AJAP1: variants seen among roughly 807,000 people sequenced by gnomAD.
AJAP1 encodes the protein adherens junction-associated protein 1.
Under a neutral mutation model 35.0 loss-of-function variants are expected in AJAP1, and 5 were observed. The observed-to-expected ratio is 0.14, with a 90% CI of 0.07 to 0.30. The LOEUF is 0.30. AJAP1 is among the 10% of genes least tolerant of loss of function. The probability of loss-of-function intolerance (pLI) is 1.00; values close to 1 mark genes in which losing one functional copy is unlikely to be tolerated. For synonymous variants in AJAP1, 284 were observed against 249.3 expected (o/e 1.14, Z -1.31); for missense variants, 586 against 571.0 (o/e 1.03, Z -0.27).
At chr1:4,742,388 A>G (rs1474363813) in intron 2 of AJAP1, among the ~76,000 whole-genome samples, 1 of 152,220 alleles carries the variant, frequency 6.6e-6, no homozygotes, top group Non-Finnish European at 1.5e-5. Flanking sequence ...GGGACATTCT[A>G]CAAAATGACT....
At chr1:4,699,446 T>C (rs558045632) in intron 1 of AJAP1, among the ~76,000 whole-genome samples, 3 of 152,282 alleles carry the variant, frequency 2.0e-5, no homozygotes, top group Non-Finnish European at 4.4e-5. Context: ...AAAATAGATA[T>C]TTCCTATGAA....
chr1:4,699,474 GA>G (rs979060046), intron 1 of AJAP1, among the ~76,000 whole-genome samples: 1 of 152,226 alleles, frequency 6.6e-6, no homozygotes, highest in African/African-American at 2.4e-5. Context: ...GGGCTGCAGT[GA>G]GTGTTTTGGA....
chr1:4,718,206 C>T (rs756174489), intron 2 of AJAP1, among the ~76,000 whole-genome samples: 18 of 152,188 alleles, frequency 1.2e-4, no homozygotes, highest in Non-Finnish European at 1.6e-4. Flanking sequence ...CCTGTTAGAG[C>T]ACTCCCTCTG....
At chr1:4,740,601 T>C (rs990117637) in intron 2 of AJAP1, among the ~76,000 whole-genome samples, 16 of 151,624 alleles carry the variant, frequency 1.1e-4, no homozygotes, top group East Asian at 5.9e-4. Flanking sequence ...CTGGCTAACA[T>C]GGTGAAACCC....
chr1:4,676,240 A>G (rs1432613771), intron 1 of AJAP1, among the ~76,000 whole-genome samples: 1 of 152,172 alleles, frequency 6.6e-6, no homozygotes, highest in Non-Finnish European at 1.5e-5. Flanking sequence ...CTCATCTTCC[A>G]TGTACTTGCG....
chr1:4,701,558 GC>G (rs951094323), intron 1 of AJAP1, among the ~76,000 whole-genome samples: 2 of 152,170 alleles, frequency 1.3e-5, no homozygotes, highest in Non-Finnish European at 2.9e-5. Context: ...CCCAGCCTCG[GC>G]CCTCTGGTCT....
intron 4 of AJAP1, 58 bp downstream of exon 4, chr1:4,772,583 CG>C: frequency 1.9e-6 from 3 of 1,591,468 alleles, no homozygotes; most frequent in South Asian, 1.1e-5. Context: ...TCCTGACCCC[CG>C]GGGGCCGGTG....
rs1209946467 is a variant in AJAP1 at position 4,787,416 on chromosome 1, A to G, written c.*4931A>G. 2 of 298,310 alleles carry G rather than the reference A, an allele frequency of 6.7e-6. No individual in the cohort carries two copies. The highest frequency in any genetic ancestry group is 2.6e-5 in the South Asian group (1 of 38,000). 18.5% of individuals were successfully genotyped at this position (298,310 alleles called of 1,614,324 possible). On this transcript the variant is annotated 3_prime_UTR_variant, in exon 6 of 6. Transcript: ENST00000378191. ...TCTACGTCTCCTCCTCCTGCGACCC[A>G]TCACCTACTGGAAAATTACCACTTG... is the stretch of plus-strand genomic sequence containing the variant.
intron 2 of AJAP1, among the ~76,000 whole-genome samples, chr1:4,713,448 C>T (rs997363860): frequency 1.3e-5 from 2 of 152,222 alleles, no homozygotes; most frequent in Non-Finnish European, 2.9e-5. Flanking sequence ...ATATCTCCTT[C>T]TGTGCAGTTT....
At chr1:4,701,996 C>T (rs1354963252) in intron 1 of AJAP1, among the ~76,000 whole-genome samples, 3 of 152,196 alleles carry the variant, frequency 2.0e-5, no homozygotes, top group South Asian at 2.1e-4. Flanking sequence ...AATTACAGGT[C>T]ACAGGAGTTA....
intron 3 of AJAP1, 41 bp from the exon 4 acceptor site, chr1:4,772,239 G>C: frequency 6.2e-7 from 1 of 1,609,596 alleles, no homozygotes; most frequent in South Asian, 1.1e-5. Context: ...TGGGTTTCCG[G>C]CCTCTGCCCG....
chr1:4,719,937 G>A (rs532993319), intron 2 of AJAP1, among the ~76,000 whole-genome samples: 1 of 152,262 alleles, frequency 6.6e-6, no homozygotes, highest in South Asian at 2.1e-4. Flanking sequence ...CCATGGCTGT[G>A]GGCTCAATTT....
At chr1:4,658,574 C>T (rs1638933787) in intron 1 of AJAP1, among the ~76,000 whole-genome samples, 1 of 152,250 alleles carries the variant, frequency 6.6e-6, no homozygotes, top group African/African-American at 2.4e-5. Flanking sequence ...GTGTCAGCGG[C>T]TGTGCTACTC....
rs1212801824 is a variant in AJAP1 at position 4,786,135 on chromosome 1, A to G, written c.*3650A>G. The G allele has an allele frequency of 2.0e-5, 3 of 152,154 alleles. No homozygotes were observed. Among genetic ancestry groups the G allele is most frequent in the Admixed American group, 6.5e-5 (1 of 15,268 alleles). 9.4% of individuals were successfully genotyped at this position (152,154 alleles called of 1,614,324 possible). On this transcript the variant is annotated 3_prime_UTR_variant, in exon 6 of 6. Transcript: ENST00000378191. Reference sequence around the variant, plus strand: ...CTCAGATTCCAGCCATTACCGAGACAAATCCAAGCCTTCTCACGCAACGTG... The same window carrying G: ...CTCAGATTCCAGCCATTACCGAGACGAATCCAAGCCTTCTCACGCAACGTG...
At chr1:4,727,097 C>T (rs1387056536) in intron 2 of AJAP1, among the ~76,000 whole-genome samples, 2 of 152,238 alleles carry the variant, frequency 1.3e-5, no homozygotes, top group Non-Finnish European at 2.9e-5. Flanking sequence ...ACATCTGTTC[C>T]GCCGTGAGTC....
At chr1:4,721,082 C>T (rs1013903145) in intron 2 of AJAP1, among the ~76,000 whole-genome samples, 1 of 152,224 alleles carries the variant, frequency 6.6e-6, no homozygotes, top group Non-Finnish European at 1.5e-5. Flanking sequence ...GCACACGCTC[C>T]TCCCTTTACG....
At chr1:4,781,101 G>A (rs1043081073) in intron 5 of AJAP1, among the ~76,000 whole-genome samples, 2 of 152,180 alleles carry the variant, frequency 1.3e-5, no homozygotes, top group Non-Finnish European at 2.9e-5. Flanking sequence ...CAGAGACGCA[G>A]TGCTGATGAT....
Position 4,782,593 on chromosome 1 carries a change from A to G in AJAP1, c.*108A>G. On this transcript the variant is annotated 3_prime_UTR_variant, in exon 6 of 6. Coordinates refer to ENST00000378191, the MANE Select transcript of AJAP1 (RefSeq NM_018836.4). The surrounding 1 kb of genome is among the most constrained non-coding windows in gnomAD (Gnocchi z 5.3). ...AACAAAACAAACAAAACAAAACAAA[A>G]AAGACAAAACCTAAAACTGAGCTAT... 2.5e-6 allele frequency: 1 copy of G among 396,802 alleles called. No individual in the cohort carries two copies. The highest frequency in any genetic ancestry group is 3.6e-5 in the East Asian group (1 of 28,042). 24.6% of individuals were successfully genotyped at this position (396,802 alleles called of 1,614,324 possible). A position where few individuals can be genotyped will look rare whatever the true frequency, so the allele number is the denominator to read the frequency against.
At chr1:4,740,588 A>G (rs1246216962) in intron 2 of AJAP1, among the ~76,000 whole-genome samples, 2 of 151,868 alleles carry the variant, frequency 1.3e-5, no homozygotes, top group African/African-American at 4.8e-5. Flanking sequence ...GATCGAGACC[A>G]TCCTGGCTAA....
Sources: allele counts gnomAD v4.1 joint callset (sites outside exome capture counted in the v4.1 genomes callset), GRCh38; gene constraint gnomAD v4.1.1; non-coding constraint Gnocchi (gnomAD v3.1); transcripts MANE v1.5; gene names NCBI Gene and HGNC (gene_info 2026-07-23, HGNC 2026-07-21).